The following TECTA variants were observed in gnomAD, a reference collection of about 807,000 sequenced individuals.
TECTA encodes the protein tectorin alpha, also known as alpha-tectorin.
A neutral mutation model predicts 216.8 loss-of-function variants in TECTA; 128 were observed. The observed-to-expected ratio is 0.59, with a 90% CI of 0.51 to 0.68. The LOEUF (loss-of-function observed/expected upper bound fraction) is 0.68. TECTA is among the 30% of genes least tolerant of loss of function. The pLI is 0.00. For missense variants in TECTA, 2,551 were observed against 2,786.2 expected, an observed-to-expected ratio of 0.92 and a Z score of 1.90; for synonymous variants, 1,089 against 1,117.1, an observed-to-expected ratio of 0.97 and a Z score of 0.50.
intron 10 of TECTA, among the ~76,000 whole-genome samples, chr11:121,134,625 T>C (rs1448418966): frequency 6.6e-6 from 1 of 152,148 alleles, no homozygotes; most frequent in Admixed American, 6.5e-5. Flanking sequence ...TATCTCCAGC[T>C]TATCCAACAC....
Position 121,128,152 on chromosome 11 carries a change from C to T in TECTA, c.2175C>T (p.Asp725=), listed in dbSNP as rs865971914. 2 of 1,611,944 alleles carry T rather than the reference C, an allele frequency of 1.2e-6. No homozygotes were observed. Among genetic ancestry groups the T allele is most frequent in the Middle Eastern group, 3.3e-4 (2 of 6,062 alleles). ...AGAACCAGGTGCTGCACACCTTTGA[C>T]GGCGCCTCCTACGCCTTCCCCTCCG... ...LSQNQVLHTF[D]GASYAFPSEF... Residue 725 remains aspartate (D), a synonymous_variant, in exon 9 of 24, where the codon GAC becomes GAT. Transcript: ENST00000392793.
intron 4 of TECTA, 77 bp downstream of exon 4, chr11:121,109,575 G>T: frequency 6.4e-7 from 1 of 1,558,922 alleles, no homozygotes. Context: ...CCACGAAGGA[G>T]TCTAATTATT....
At chr11:121,147,112 C>A (rs1193000824) in intron 12 of TECTA, among the ~76,000 whole-genome samples, 1 of 152,182 alleles carries the variant, frequency 6.6e-6, no homozygotes, top group Non-Finnish European at 1.5e-5. Flanking sequence ...TGGTCTTTAG[C>A]TAACCTGCTT....
intron 13 of TECTA, among the ~76,000 whole-genome samples, chr11:121,153,620 T>A (rs374151282): frequency 6.6e-6 from 1 of 152,202 alleles, no homozygotes; most frequent in East Asian, 1.9e-4. Context: ...GTATCATCCC[T>A]GGAGTTTGGT....
At chr11:121,108,980 A>T (rs1285097783) in intron 3 of TECTA, among the ~76,000 whole-genome samples, 1 of 152,200 alleles carries the variant, frequency 6.6e-6, no homozygotes, top group African/African-American at 2.4e-5. Context: ...ACTGATTATT[A>T]ATCAGAAATG....
rs115404732 is a variant in TECTA at position 121,184,579 on chromosome 11, G to T, written c.6000-3253G>T. ...GGCATGGTTTTCCAAGAGAAGAAGG[G>T]TGTGGTTCTGGGAAGACAAACAATA... On this transcript the variant is annotated intron_variant, in intron 20 of 23. Coordinates refer to ENST00000392793, the MANE Select transcript of TECTA (RefSeq NM_005422.4). 5.4e-4 allele frequency among the ~76,000 whole-genome samples: 82 copies of T among 152,176 alleles called. 1 individual carries two copies. Among genetic ancestry groups the T allele is most frequent in the African/African-American group, 1.9e-3 (80 of 41,498 alleles).
rs778164777 is a variant in TECTA at position 121,109,342 on chromosome 11, G to A, written c.330G>A (p.Glu110=). ...WADVHNGIRG[E]IYYRETMEPA... is the part of the protein sequence containing the mutation. ...ATGTGCACAATGGAATTCGAGGCGA[G>A]ATCTATTACAGAGAGACCATGGAGC... is the stretch of plus-strand genomic sequence containing the variant. Residue 110 remains glutamate, a synonymous_variant, in exon 4 of 24, where the codon GAG becomes GAA. Transcript: ENST00000392793. 2 of 1,613,974 alleles carry A rather than the reference G, an allele frequency of 1.2e-6. No individual in the cohort carries two copies. Among genetic ancestry groups the A allele is most frequent in the South Asian group, 1.1e-5 (1 of 91,080 alleles).
chr11:121,150,740 G>A (rs1351695701), intron 12 of TECTA, among the ~76,000 whole-genome samples: 2 of 148,406 alleles, frequency 1.3e-5, no homozygotes, highest in African/African-American at 5.0e-5. Context: ...CCGCCTCCTG[G>A]GTTCAAGCAA....
chr11:121,115,452 A>G (rs1234783873), intron 6 of TECTA, among the ~76,000 whole-genome samples: 1 of 152,220 alleles, frequency 6.6e-6, no homozygotes, highest in African/African-American at 2.4e-5. Context: ...AAGACATATT[A>G]TGGTAGACAC....
chr11:121,103,603 A>C (rs1946366017), intron 2 of TECTA, among the ~76,000 whole-genome samples: 1 of 152,102 alleles, frequency 6.6e-6, no homozygotes, highest in Non-Finnish European at 1.5e-5. Context: ...TCCTGGAAAC[A>C]TAGCTATGTT....
chr11:121,122,904 A>G (rs1265765890), intron 7 of TECTA, among the ~76,000 whole-genome samples: 1 of 151,970 alleles, frequency 6.6e-6, no homozygotes, highest in Non-Finnish European at 1.5e-5. Context: ...AGGCTGGAAG[A>G]GTTTTGAAGT....
chr11:121,179,666 T>C (rs1169607555), intron 20 of TECTA, among the ~76,000 whole-genome samples: 1 of 152,164 alleles, frequency 6.6e-6, no homozygotes, highest in Non-Finnish European at 1.5e-5. Flanking sequence ...TCCCTTTAGA[T>C]CTAATAATAT....
chr11:121,119,140 C>A (rs1000562128), intron 7 of TECTA, among the ~76,000 whole-genome samples: 2 of 152,044 alleles, frequency 1.3e-5, no homozygotes, highest in Non-Finnish European at 2.9e-5. Flanking sequence ...ACAATACAAA[C>A]CCCCAATTCA....
intron 13 of TECTA, among the ~76,000 whole-genome samples, chr11:121,155,000 A>T (rs149014351): frequency 1.3e-5 from 2 of 152,242 alleles, no homozygotes; most frequent in Non-Finnish European, 2.9e-5. Context: ...GCAGTTTTTC[A>T]TCAGAACCTC....
rs1303790601 is a variant in TECTA, at chr11:121,130,010, A to T, written c.2740A>T (p.Ile914Phe). 6.2e-7 allele frequency: 1 copy of T among 1,608,760 alleles called. No homozygotes were observed. The highest frequency in any genetic ancestry group is 8.5e-7 in the Non-Finnish European group (1 of 1,176,398). Residue 914 changes from isoleucine (I) to phenylalanine (F), a missense_variant, in exon 10 of 24, where the codon ATC (isoleucine) becomes TTC (phenylalanine). Ile to Phe is a conservative substitution (Grantham distance 21). Around this residue, in one of 3 missense-constraint regions of TECTA, gnomAD observed 2,375 missense variants for 2,563.9 expected, o/e 0.93. Coordinates refer to ENST00000392793, the MANE Select transcript of TECTA (RefSeq NM_005422.4). Reference sequence around the variant, plus strand: ...TTATCGAAGCCGCTCCAGGTGCGGCATCATCAACGACCCCTCCAACAGCTC... The same window carrying T: ...TTATCGAAGCCGCTCCAGGTGCGGCTTCATCAACGACCCCTCCAACAGCTC... ...KFYRSRSRCG[I>F]INDPSNSSFL... is the part of the protein sequence containing the mutation.
intron 16 of TECTA, among the ~76,000 whole-genome samples, chr11:121,163,655 G>C (rs1475285207): frequency 6.6e-6 from 1 of 152,054 alleles, no homozygotes; most frequent in Non-Finnish European, 1.5e-5. Flanking sequence ...TAACTGTTTT[G>C]AACTTTTCAA....
At position 121,113,608 on chromosome 11, in the gene TECTA, C is replaced by T. The variant is rs138438027; in HGVS notation, c.680C>T (p.Thr227Ile). The T allele has an allele frequency of 2.2e-5, 35 of 1,613,868 alleles. No homozygotes were observed. Among genetic ancestry groups the T allele is most frequent in the Admixed American group, 8.3e-5 (5 of 60,002 alleles). ...TTCTTCAGCCTCCCGGGGTCAAGAACCCCCGAGATCGTGAATATCCAGGAG... is the reference window on the plus strand; with the variant it reads ...TTCTTCAGCCTCCCGGGGTCAAGAATCCCCGAGATCGTGAATATCCAGGAG... The part of the protein sequence containing the change: ...TNFFSLPGSR[T>I]PEIVNIQETT... The change falls in exon 6 of 24, where the codon ACC (threonine) becomes ATC (isoleucine). Residue 227 changes from threonine (T) to isoleucine (I), a missense_variant. Physicochemically the swap from Thr to Ile is moderately conservative, Grantham distance 89. Transcript: ENST00000392793. The surrounding 1 kb of genome is among the most constrained non-coding windows in gnomAD (Gnocchi z 4.2).
intron 11 of TECTA, among the ~76,000 whole-genome samples, chr11:121,143,849 T>G (rs1946808886): frequency 6.6e-6 from 1 of 152,194 alleles, no homozygotes. Context: ...AGCAGGGCTG[T>G]GGTCCAAGGT....
intron 20 of TECTA, among the ~76,000 whole-genome samples, chr11:121,170,155 C>T (rs1397553596): frequency 6.6e-6 from 1 of 152,148 alleles, no homozygotes; most frequent in Non-Finnish European, 1.5e-5. Context: ...ACTTCCAGTT[C>T]TGACCATGTT....
Sources: allele counts gnomAD v4.1 joint callset (sites outside exome capture counted in the v4.1 genomes callset), GRCh38; gene constraint gnomAD v4.1.1; regional missense constraint gnomAD v4.1.1; non-coding constraint Gnocchi (gnomAD v3.1); transcripts MANE v1.5; gene names NCBI Gene and HGNC (gene_info 2026-07-23, HGNC 2026-07-21).